Variants in RAB28 observed in about 807,000 individuals in gnomAD.
The protein encoded by RAB28 is RAB28, member RAS oncogene family.
RAB28 carries 24 observed loss-of-function variants against 31.7 expected under a neutral mutation model. That is an observed-to-expected ratio of 0.76 (90% CI 0.55 to 1.06). The LOEUF (loss-of-function observed/expected upper bound fraction) is 1.06, where lower values mean the gene tolerates loss of function less well. RAB28 is among the 50% of genes least tolerant of loss of function. The probability of loss-of-function intolerance (pLI) is 0.00; values close to 1 mark genes in which losing one functional copy is unlikely to be tolerated. For synonymous variants in RAB28, 100 were observed against 90.4 expected, an observed-to-expected ratio of 1.11 and a Z score of -0.60; for missense variants, 254 against 258.5, an observed-to-expected ratio of 0.98 and a Z score of 0.12.
intron 4 of RAB28, among the ~76,000 whole-genome samples, chr4:13,411,739 TTCCAAA>T (rs1240752582): frequency 6.6e-6 from 1 of 151,750 alleles, no homozygotes; most frequent in East Asian, 1.9e-4. Flanking sequence ...AAAGAAAAAT[TTCCAAA>T]TCTCTAGGGG....
At chr4:13,462,796 C>G (rs1418308680) in intron 3 of RAB28, among the ~76,000 whole-genome samples, 1 of 152,120 alleles carries the variant, frequency 6.6e-6, no homozygotes, top group Non-Finnish European at 1.5e-5. Flanking sequence ...AAATAATGCC[C>G]AACACAGAAT....
intron 4 of RAB28, among the ~76,000 whole-genome samples, chr4:13,430,604 G>C (rs1442178771): frequency 6.6e-6 from 1 of 152,174 alleles, no homozygotes; most frequent in African/African-American, 2.4e-5. Context: ...ATTCCCTTCA[G>C]ACCTGAACTG....
Position 13,479,528 on chromosome 4 carries a change from T to A in RAB28, c.76-2A>T. 1.3e-6 allele frequency: 2 copies of A among 1,574,118 alleles called. No individual in the cohort carries two copies. Among genetic ancestry groups the A allele is most frequent in the Non-Finnish European group, 1.7e-6 (2 of 1,147,036 alleles). ...AGCAAAACACGTAGTTAAGGAGGTCTAAAAAATTGATGCACAGAATGTCAA... is the reference window on the plus strand; with the variant it reads ...AGCAAAACACGTAGTTAAGGAGGTCAAAAAAATTGATGCACAGAATGTCAA... On this transcript the variant is annotated splice_acceptor_variant, in intron 1 of 6. Transcript: ENST00000330852. LOFTEE classifies it high-confidence loss of function.
At chr4:13,444,347 G>A (rs1342642767) in intron 4 of RAB28, among the ~76,000 whole-genome samples, 1 of 151,982 alleles carries the variant, frequency 6.6e-6, no homozygotes, top group Non-Finnish European at 1.5e-5. Context: ...TCTTTTTTAA[G>A]GCTGAATAGT....
At chr4:13,425,426 T>G (rs981674261) in intron 4 of RAB28, among the ~76,000 whole-genome samples, 1 of 152,148 alleles carries the variant, frequency 6.6e-6, no homozygotes, top group South Asian at 2.1e-4. Flanking sequence ...AAACACTGTT[T>G]CCTAGAAGTC....
chr4:13,391,451 T>C (rs1729625544), intron 4 of RAB28, among the ~76,000 whole-genome samples: 1 of 152,216 alleles, frequency 6.6e-6, no homozygotes, highest in South Asian at 2.1e-4. Context: ...TTTTACGCTG[T>C]TGGTGGGAAT....
chr4:13,468,113 G>A (rs1201673518), intron 3 of RAB28, among the ~76,000 whole-genome samples: 1 of 151,810 alleles, frequency 6.6e-6, no homozygotes, highest in Non-Finnish European at 1.5e-5. Flanking sequence ...AAATATATGA[G>A]GCCAAAACTG....
intron 4 of RAB28, among the ~76,000 whole-genome samples, chr4:13,423,139 T>G (rs1277702919): frequency 6.6e-6 from 1 of 152,184 alleles, no homozygotes; most frequent in African/African-American, 2.4e-5. Context: ...CAAAGCAGCC[T>G]TTTAATTGTG....
At chr4:13,378,251 C>A (rs1728998249) in intron 5 of RAB28, among the ~76,000 whole-genome samples, 1 of 152,120 alleles carries the variant, frequency 6.6e-6, no homozygotes, top group African/African-American at 2.4e-5. Flanking sequence ...GCGTTGTATC[C>A]TGGAAGCTAA....
intron 4 of RAB28, among the ~76,000 whole-genome samples, chr4:13,410,949 A>G (rs1007152918): frequency 1.6e-4 from 25 of 152,102 alleles, no homozygotes; most frequent in African/African-American, 3.6e-4. Flanking sequence ...GTGCACCTAA[A>G]TTTTCCTGCT....
chr4:13,394,954 C>G (rs1729807453), intron 4 of RAB28, among the ~76,000 whole-genome samples: 1 of 152,098 alleles, frequency 6.6e-6, no homozygotes, highest in South Asian at 2.1e-4. Flanking sequence ...AAGCATTATT[C>G]CAATTTCACA....
intron 6 of RAB28, chr4:13,370,445 C>A: frequency 1.3e-6 from 1 of 783,734 alleles, no homozygotes. Flanking sequence ...GCGACTTACA[C>A]AGAATCTATT....
At chr4:13,386,200 C>A (rs900289042) in intron 4 of RAB28, among the ~76,000 whole-genome samples, 3 of 151,886 alleles carry the variant, frequency 2.0e-5, no homozygotes, top group African/African-American at 7.2e-5. Flanking sequence ...TAGGAACAGG[C>A]AGATATTTCA....
chr4:13,377,222 A>G lies in RAB28; in HGVS notation c.496-600T>C, dbSNP rs376862509. ...AACAAAAATAGACAAATATTTTTCT[A>G]TAAATAGCCTTTCCACACATAGTTA... On this transcript the variant is annotated intron_variant, in intron 5 of 6. Transcript: ENST00000330852. Among the ~76,000 whole-genome samples the G allele has an allele frequency of 9.8e-5, 15 of 152,316 alleles. No homozygotes were observed. In the South Asian group the frequency reaches 3.1e-3, roughly 32 times the overall value.
chr4:13,393,651 G>C (rs1381961301), intron 4 of RAB28, among the ~76,000 whole-genome samples: 1 of 151,298 alleles, frequency 6.6e-6, no homozygotes, highest in Admixed American at 6.6e-5. Flanking sequence ...CCTCCTATAG[G>C]TTTTCTGATT....
At chr4:13,393,410 T>C (rs897537394) in intron 4 of RAB28, among the ~76,000 whole-genome samples, 4 of 152,190 alleles carry the variant, frequency 2.6e-5, no homozygotes, top group Non-Finnish European at 2.9e-5. Context: ...CGTTAAGAAG[T>C]TTACGTGCGA....
At chr4:13,369,032 C>T (rs949064993) in intron 6 of RAB28, among the ~76,000 whole-genome samples, 3 of 151,936 alleles carry the variant, frequency 2.0e-5, no homozygotes, top group Non-Finnish European at 4.4e-5. Context: ...TAAAAAATAG[C>T]ATTATTGATT....
At chr4:13,474,043 C>T in intron 3 of RAB28, 1 of 529,848 alleles carries the variant, frequency 1.9e-6, no homozygotes, top group Admixed American at 2.4e-5. Context: ...TATCATTTAT[C>T]ACTGCATTTA....
intron 4 of RAB28, among the ~76,000 whole-genome samples, chr4:13,451,936 C>T (rs1285170685): frequency 4.0e-5 from 6 of 151,836 alleles, no homozygotes; most frequent in East Asian, 1.9e-4. Context: ...TATTCCATTT[C>T]GTTGGTCTAT....
Sources: gnomAD v4.1 joint callset for allele counts (sites outside exome capture counted in the v4.1 genomes callset) on GRCh38, gnomAD v4.1.1 for gene constraint, MANE v1.5 for transcripts, NCBI Gene and HGNC (gene_info 2026-07-23, HGNC 2026-07-21) for gene names.